TCF20: variants seen among roughly 807,000 people sequenced by gnomAD.
TCF20 encodes transcription factor 20.
A neutral mutation model predicts 148.6 loss-of-function variants in TCF20; 3 were observed. The ratio of observed to expected loss-of-function variants is 0.02; its 90% CI spans 0.01 to 0.05. The LOEUF (loss-of-function observed/expected upper bound fraction) is 0.05. Among genes scored for constraint, TCF20 ranks in the 10% least tolerant of loss-of-function variants. The probability of loss-of-function intolerance (pLI) is 1.00; values close to 1 mark genes in which losing one functional copy is unlikely to be tolerated. For missense variants in TCF20, 2,350 were observed against 2,429.3 expected (o/e 0.97, Z 0.69); for synonymous variants, 1,049 against 909.5 (o/e 1.15, Z -2.76).
chr22:42,216,495 T>A (rs146790422), intron 1 of TCF20, among the ~76,000 whole-genome samples: 1 of 152,190 alleles, frequency 6.6e-6, no homozygotes, highest in African/African-American at 2.4e-5. Context: ...TCTTGGCATA[T>A]GACTGTGTCT....
chr22:42,248,631 C>T (rs1925112849), intron 1 of TCF20, among the ~76,000 whole-genome samples: 1 of 152,108 alleles, frequency 6.6e-6, no homozygotes, highest in Admixed American at 6.6e-5. Context: ...ATGCCATAAT[C>T]CTGAATGTTA....
chr22:42,164,502 C>T (rs1295035436), intron 5 of TCF20, among the ~76,000 whole-genome samples: 1 of 152,014 alleles, frequency 6.6e-6, no homozygotes, highest in Non-Finnish European at 1.5e-5. Context: ...GGATTATAGG[C>T]GTTAGCCACT....
chr22:42,245,760 G>A (rs143563309), intron 1 of TCF20, among the ~76,000 whole-genome samples: 1 of 152,046 alleles, frequency 6.6e-6, no homozygotes, highest in East Asian at 1.9e-4. Flanking sequence ...CCTCTCTATG[G>A]CCAATTTTAT....
chr22:42,170,975 C>A (rs2147062639), intron 3 of TCF20, among the ~76,000 whole-genome samples: 1 of 152,278 alleles, frequency 6.6e-6, no homozygotes, highest in East Asian at 1.9e-4. Flanking sequence ...CAACACAAAT[C>A]ACATAATCCA....
intron 2 of TCF20, among the ~76,000 whole-genome samples, chr22:42,198,362 T>C (rs11913041): frequency 0.021 from 3,238 of 152,254 alleles, 130 homozygotes; most frequent in African/African-American, 0.074. Context: ...GTATAGTGCT[T>C]AGAAAGCATT....
intron 1 of TCF20, among the ~76,000 whole-genome samples, chr22:42,330,392 C>A (rs1055802847): frequency 1.3e-5 from 2 of 152,188 alleles, no homozygotes; most frequent in East Asian, 1.9e-4. Context: ...CCTTCCCCCC[C>A]ACCTCAGGGC....
intron 3 of TCF20, among the ~76,000 whole-genome samples, chr22:42,171,395 G>C (rs1202805824): frequency 6.6e-6 from 1 of 152,164 alleles, no homozygotes; most frequent in Non-Finnish European, 1.5e-5. Flanking sequence ...AATAAGCAAT[G>C]AACATACACA....
rs1920958442 is a variant in TCF20, at chr22:42,211,402, G to A, written c.3904C>T (p.Leu1302Phe). 6.2e-7 allele frequency: 1 copy of A among 1,614,110 alleles called. No homozygotes were observed. Among genetic ancestry groups the A allele is most frequent in the Non-Finnish European group, 8.5e-7 (1 of 1,180,038 alleles). The change falls in exon 2 of 6, where the codon CTT becomes TTT. Residue 1302 changes from leucine to phenylalanine, a missense_variant. Physicochemically the swap from Leu to Phe is conservative, Grantham distance 22. Transcript: ENST00000677622. ...ADKAFNSYAH[L>F]SHSQDIKSIP... ...GACTTGATATCCTGACTGTGAGAAA[G>A]ATGGGCATAGGAATTGAATGCTTTA...
intron 1 of TCF20, among the ~76,000 whole-genome samples, chr22:42,300,046 G>C (rs1319179470): frequency 1.3e-5 from 2 of 152,122 alleles, no homozygotes; most frequent in Non-Finnish European, 2.9e-5. Flanking sequence ...GTGCAGCCTG[G>C]TTCCTTTCGT....
intron 1 of TCF20, among the ~76,000 whole-genome samples, chr22:42,255,892 C>T (rs1406628174): frequency 6.6e-6 from 1 of 152,142 alleles, no homozygotes; most frequent in Non-Finnish European, 1.5e-5. Context: ...TCCCACCTTG[C>T]TCTCATACTA....
chr22:42,174,225 A>G (rs920049396), intron 3 of TCF20, among the ~76,000 whole-genome samples: 5 of 152,206 alleles, frequency 3.3e-5, no homozygotes, highest in Non-Finnish European at 5.9e-5. Flanking sequence ...TTACATTAAA[A>G]AAAAAAATTC....
At chr22:42,174,762 G>A (rs976767900) in intron 3 of TCF20, among the ~76,000 whole-genome samples, 22 of 151,366 alleles carry the variant, frequency 1.5e-4, no homozygotes, top group South Asian at 2.1e-4. Flanking sequence ...TTGGCCAGGC[G>A]CGGTGGCTCA....
intron 1 of TCF20, among the ~76,000 whole-genome samples, chr22:42,268,737 A>T: frequency 6.6e-6 from 1 of 152,356 alleles, no homozygotes; most frequent in East Asian, 1.9e-4. Context: ...TCACAAAGAC[A>T]AAAAATATGT....
intron 1 of TCF20, among the ~76,000 whole-genome samples, chr22:42,268,506 C>T (rs1601682392): frequency 2.0e-5 from 3 of 152,318 alleles, no homozygotes; most frequent in Non-Finnish European, 1.5e-5. Context: ...TCTACTTCAT[C>T]CCCCTACTCT....
At chr22:42,217,612 T>C (rs546122409) in intron 1 of TCF20, among the ~76,000 whole-genome samples, 1 of 152,210 alleles carries the variant, frequency 6.6e-6, no homozygotes, top group Non-Finnish European at 1.5e-5. Context: ...AACTAGGCCT[T>C]AGAGAACTAG....
At chr22:42,244,015 G>T (rs950638112) in intron 1 of TCF20, among the ~76,000 whole-genome samples, 2 of 152,178 alleles carry the variant, frequency 1.3e-5, no homozygotes, top group African/African-American at 4.8e-5. Flanking sequence ...AGACCAGCCT[G>T]GCCAACCATG....
rs1921052488 is a variant in TCF20, at chr22:42,212,352, G to T, written c.2954C>A (p.Pro985His). ...LSDYGPQDSR[P>H]TPMRRVPGRV... ...GCCAGGGACCCGCCGCATTGGCGTG[G>T]GTCTGCTGTCTTGCGGGCCATAGTC... Residue 985 changes from proline (P) to histidine (H), a missense_variant, in exon 2 of 6, where the codon CCC (proline) becomes CAC (histidine). Pro to His is a moderately conservative substitution (Grantham distance 77). Coordinates refer to ENST00000677622, the MANE Select transcript of TCF20 (RefSeq NM_001378418.1). 1 of 1,614,196 alleles carries T rather than the reference G, an allele frequency of 6.2e-7. No individual in the cohort carries two copies. The highest frequency in any genetic ancestry group is 2.2e-5 in the East Asian group (1 of 44,880).
chr22:42,295,152 A>G (rs1183684585), intron 1 of TCF20, among the ~76,000 whole-genome samples: 1 of 152,218 alleles, frequency 6.6e-6, no homozygotes, highest in Non-Finnish European at 1.5e-5. Flanking sequence ...TCTGGTCCCT[A>G]AGCCTCCTAA....
intron 3 of TCF20, among the ~76,000 whole-genome samples, chr22:42,173,127 A>G (rs576941917): frequency 1.4e-5 from 1 of 71,548 alleles, no homozygotes; most frequent in African/African-American, 1.7e-4. Flanking sequence ...AGAGTAGAAG[A>G]AAAAAAAAAA....
Sources: allele counts gnomAD v4.1 joint callset (sites outside exome capture counted in the v4.1 genomes callset), GRCh38; gene constraint gnomAD v4.1.1; transcripts MANE v1.5; gene names NCBI Gene and HGNC (gene_info 2026-07-23, HGNC 2026-07-21).